The following HAL variants were observed in gnomAD, a reference collection of about 807,000 sequenced individuals.
HAL encodes the protein histidase.
Under a neutral mutation model 81.1 loss-of-function variants are expected in HAL, and 85 were observed. The observed-to-expected ratio is 1.05, with a 90% CI of 0.88 to 1.25. The LOEUF (loss-of-function observed/expected upper bound fraction) is 1.25. HAL is among the 50% of genes most tolerant of loss of function. HAL has a pLI of 0.00. For synonymous variants in HAL, 301 were observed against 309.2 expected (o/e 0.97, Z 0.28); for missense variants, 798 against 836.6 (o/e 0.95, Z 0.57).
rs994570425 is a variant in HAL, at chr12:95,996,317, T to C, written c.-321A>G. ...GTGTTCTCTGCCATTAAGGGCAGCT[T>C]ATAAACACCATGTTCCTGTCTTTAT... is the stretch of plus-strand genomic sequence containing the variant. On this transcript the variant is annotated 5_prime_UTR_variant, in exon 1 of 21. In the 5' UTR this introduces an upstream ATG that the reference lacks. Coordinates refer to ENST00000261208, the MANE Select transcript of HAL (RefSeq NM_002108.4). 3.7e-6 allele frequency: 1 copy of C among 267,598 alleles called. No homozygotes were observed. The highest frequency in any genetic ancestry group is 2.2e-5 in the African/African-American group (1 of 45,550). The allele number at this position is 267,598 out of a possible 1,614,324, so 16.6% of individuals were successfully genotyped here. A position where few individuals can be genotyped will look rare whatever the true frequency, so the allele number is the denominator to read the frequency against.
chr12:95,994,408 T>G (rs1407187567), intron 4 of HAL, among the ~76,000 whole-genome samples: 1 of 152,188 alleles, frequency 6.6e-6, no homozygotes, highest in African/African-American at 2.4e-5. Flanking sequence ...TTGGTTTGTT[T>G]GTTTTGAGGC....
chr12:95,974,406 TGAC>T, intron 20 of HAL, 34 bp from the exon 21 acceptor site: 1 of 1,603,664 alleles, frequency 6.2e-7, no homozygotes, highest in East Asian at 2.2e-5. Context: ...GTTGAAATAT[TGAC>T]GACATTGTTT....
Position 95,985,910 on chromosome 12 carries a change from G to A in HAL, c.1204C>T (p.Gln402Ter), listed in dbSNP as rs766475071. 1.3e-6 allele frequency: 2 copies of A among 1,592,664 alleles called. No individual in the cohort carries two copies. Among genetic ancestry groups the A allele is most frequent in the Non-Finnish European group, 1.7e-6 (2 of 1,163,668 alleles). The part of the protein sequence containing the change: ...QDAYTLRCCP[Q>*]VHGVVNDTIA... ...CTTTTTTTTTTTCTTTATTTTACCT[G>A]TGGACAGCAGCGCAAGGTGTATGCA... Residue 402 changes from glutamine (Q) to a stop codon, truncating the protein, a stop_gained and splice_region_variant, in exon 14 of 21, where the codon CAG (glutamine) becomes TAG (stop). Transcript: ENST00000261208. LOFTEE classifies it high-confidence loss of function.
chr12:95,995,327 G>A (rs1420916641), intron 2 of HAL: 7 of 556,642 alleles, frequency 1.3e-5, no homozygotes, highest in Non-Finnish European at 1.6e-5. Flanking sequence ...TCTTTCGAAA[G>A]GCAAAATAAC....
Position 95,995,647 on chromosome 12 carries a change from C to G in HAL, c.247+17G>C. On this transcript the variant is annotated intron_variant, in intron 2 of 20. Coordinates refer to ENST00000261208, the MANE Select transcript of HAL (RefSeq NM_002108.4). ...CCAAACCGCACCCGTTCGCGGCCCTCTCCTGCAGCCACTCACCCACTTCCA... is the reference window on the plus strand; with the variant it reads ...CCAAACCGCACCCGTTCGCGGCCCTGTCCTGCAGCCACTCACCCACTTCCA... 2.5e-6 allele frequency: 4 copies of G among 1,612,736 alleles called. No homozygotes were observed. Among genetic ancestry groups the G allele is most frequent in the Non-Finnish European group, 3.4e-6 (4 of 1,180,032 alleles).
intron 4 of HAL, 111 bp from the exon 5 acceptor site, chr12:95,994,275 T>C: frequency 3.7e-6 from 3 of 804,576 alleles, no homozygotes; most frequent in Non-Finnish European, 6.7e-6. Flanking sequence ...GATCATTGCG[T>C]GAAACATGAA....
chr12:95,984,124 A>T, intron 14 of HAL, 133 bp from the exon 15 acceptor site: 1 of 607,592 alleles, frequency 1.6e-6, no homozygotes, highest in Non-Finnish European at 3.0e-6. Flanking sequence ...AGTTATAACC[A>T]TGGAAATTAT....
Position 95,976,498 on chromosome 12 carries a change from C to T in HAL, c.1764G>A (p.Arg588=). ...CCATGAAGCGATCTTTTATCCAGGG[C>T]CTACAGGGAGAGCACATCCGCCCAT... ...KVYDLVRSVV[R]PWIKDRFMAP... is the part of the protein sequence containing the mutation. Residue 588 remains arginine (R), a splice_region_variant and synonymous_variant, in exon 20 of 21, where the codon AGG becomes AGA. Coordinates refer to ENST00000261208, the MANE Select transcript of HAL (RefSeq NM_002108.4). 6.2e-7 allele frequency: 1 copy of T among 1,614,008 alleles called. No homozygotes were observed. The highest frequency in any genetic ancestry group is 1.1e-5 in the South Asian group (1 of 91,076).
Position 95,985,931 on chromosome 12 carries a change from A to G in HAL, c.1183T>C (p.Tyr395His). ...ACCTGTGGACAGCAGCGCAAGGTGT[A>G]TGCATCCTGGACGCGATCACAGAAC... The part of the protein sequence containing the change: ...HRFCDRVQDA[Y>H]TLRCCPQVHG... The change falls in exon 14 of 21, where the codon TAC (tyrosine) becomes CAC (histidine). Residue 395 changes from tyrosine (Y) to histidine (H), a missense_variant. Physicochemically the swap from Tyr to His is moderately conservative, Grantham distance 83. Transcript: ENST00000261208. The G allele has an allele frequency of 1.2e-6, 2 of 1,610,782 alleles. No individual in the cohort carries two copies. Among genetic ancestry groups the G allele is most frequent in the Admixed American group, 1.7e-5 (1 of 59,882 alleles).
Position 95,980,702 on chromosome 12 carries a change from A to G in HAL, c.1373T>C (p.Ile458Thr), listed in dbSNP as rs377299266. ...YPAKALDYLA[I>T]GIHELAAISE... Reference sequence around the variant, plus strand: ...GATTGCAGCAAGTTCATGGATGCCAATGGCCAAGTAGTCTAGGGCCTGAAA... The same window carrying G: ...GATTGCAGCAAGTTCATGGATGCCAGTGGCCAAGTAGTCTAGGGCCTGAAA... The change falls in exon 17 of 21, where the codon ATT (isoleucine) becomes ACT (threonine). Residue 458 changes from isoleucine (I) to threonine (T), a missense_variant. Transcript: ENST00000261208. 1.1e-4 allele frequency: 183 copies of G among 1,613,940 alleles called. No individual in the cohort carries two copies. Among genetic ancestry groups the G allele is most frequent in the Non-Finnish European group, 1.5e-4 (179 of 1,179,888 alleles).
chr12:95,980,743 G>A, intron 16 of HAL, 22 bp from the exon 17 acceptor site: 1 of 1,610,984 alleles, frequency 6.2e-7, no homozygotes, highest in Non-Finnish European at 8.5e-7. Flanking sequence ...TCTCCATTTA[G>A]TCAGCCTATA....
rs1383166193 is a variant in HAL at position 95,996,186 on chromosome 12, G to A, written c.-190C>T. The A allele has an allele frequency of 2.1e-6, 1 of 468,614 alleles. No individual in the cohort carries two copies. Among genetic ancestry groups the A allele is most frequent in the Non-Finnish European group, 4.0e-6 (1 of 252,182 alleles). 29.0% of individuals were successfully genotyped at this position (468,614 alleles called of 1,614,324 possible). ...AGACCTGCTGCCAGAAAGGCCTGGG[G>A]TCTCCCACCCTGGGAGGTGCTGTTC... On this transcript the variant is annotated 5_prime_UTR_variant, in exon 1 of 21. Transcript: ENST00000261208.
chr12:95,994,699 C>G, intron 4 of HAL, 99 bp downstream of exon 4: 1 of 1,200,254 alleles, frequency 8.3e-7, no homozygotes, highest in Non-Finnish European at 1.2e-6. Flanking sequence ...CAGCCCTGTT[C>G]TAATTGACAG....
At position 95,981,239 on chromosome 12, in the gene HAL, A is replaced by G. The variant is rs146943589; in HGVS notation, c.1288-376T>C. Reference sequence around the variant, plus strand: ...TTTGAAAGCAACTTCTGTTTCTTCAATGGGCACTGCAAATTTGTGTTCCAT... The same window carrying G: ...TTTGAAAGCAACTTCTGTTTCTTCAGTGGGCACTGCAAATTTGTGTTCCAT... On this transcript the variant is annotated intron_variant, in intron 15 of 20. Transcript: ENST00000261208. Among the ~76,000 whole-genome samples, 55 of 152,332 alleles carry G rather than the reference A, an allele frequency of 3.6e-4. 1 individual carries two copies. The highest frequency in any genetic ancestry group is 1.2e-3 in the African/African-American group (51 of 41,578).
intron 15 of HAL, among the ~76,000 whole-genome samples, chr12:95,981,784 A>G (rs1000995060): frequency 2.6e-5 from 4 of 152,114 alleles, no homozygotes; most frequent in Non-Finnish European, 5.9e-5. Flanking sequence ...TCCATCATGC[A>G]CTTTACTTAA....
intron 15 of HAL, among the ~76,000 whole-genome samples, chr12:95,982,679 G>C (rs2136803032): frequency 6.6e-6 from 1 of 152,294 alleles, no homozygotes; most frequent in South Asian, 2.1e-4. Context: ...AAGTAAGCTT[G>C]TCAAAAAACA....
intron 14 of HAL, among the ~76,000 whole-genome samples, chr12:95,984,570 G>C (rs1337362075): frequency 2.0e-5 from 3 of 152,224 alleles, no homozygotes; most frequent in Non-Finnish European, 4.4e-5. Flanking sequence ...AGCAGCACCT[G>C]GCTCTGGTTT....
chr12:95,994,138 C>T lies in HAL; in HGVS notation c.363G>A (p.Leu121=). Residue 121 remains leucine (L), a synonymous_variant, in exon 5 of 21, where the codon CTG becomes CTA. Transcript: ENST00000261208. Reference sequence around the variant, plus strand: ...CCAAGTTGACCAGATCCTCCGTGGTCAGACGGTCTCCATCTAACTCGATGT... The same window carrying T: ...CCAAGTTGACCAGATCCTCCGTGGTTAGACGGTCTCCATCTAACTCGATGT... The part of the protein sequence containing the change: ...EKYIELDGDR[L]TTEDLVNLGK... The T allele has an allele frequency of 1.2e-6, 2 of 1,613,278 alleles. No homozygotes were observed. Among genetic ancestry groups the T allele is most frequent in the Non-Finnish European group, 1.7e-6 (2 of 1,179,228 alleles).
At position 95,995,789 on chromosome 12, in the gene HAL, T is replaced by C. The variant is rs774011654; in HGVS notation, c.122A>G (p.Asp41Gly). The change falls in exon 2 of 21, where the codon GAC becomes GGC. Residue 41 changes from aspartate (D) to glycine (G), a missense_variant. By Grantham distance (94) the Asp-to-Gly change is moderately conservative (BLOSUM62 -1). Transcript: ENST00000261208. ...ATCCACGGAGGTGAAGCCACCATTGTCGGGCTTATTCTTGATATAGCGCCT... is the reference window on the plus strand; with the variant it reads ...ATCCACGGAGGTGAAGCCACCATTGCCGGGCTTATTCTTGATATAGCGCCT... ...AVRRYIKNKPDNGGFTSVDDA... is the reference protein window; with the variant it reads ...AVRRYIKNKPGNGGFTSVDDA... The C allele has an allele frequency of 3.7e-6, 6 of 1,613,556 alleles. No individual in the cohort carries two copies.
Sources: gnomAD v4.1 joint callset for allele counts (sites outside exome capture counted in the v4.1 genomes callset) on GRCh38, gnomAD v4.1.1 for gene constraint, MANE v1.5 for transcripts, NCBI Gene and HGNC (gene_info 2026-07-23, HGNC 2026-07-21) for gene names.